The following PHF20L1 variants were observed in gnomAD, a reference collection of about 807,000 sequenced individuals.
The protein encoded by PHF20L1 is PHD finger protein 20 like 1, also known as PHD finger protein 20-like protein 1.
Under a neutral mutation model 125.5 loss-of-function variants are expected in PHF20L1, and 44 were observed. That is an observed-to-expected ratio of 0.35 (90% CI 0.28 to 0.45). PHF20L1 has a LOEUF of 0.45. Ranked by LOEUF, PHF20L1 falls within the 20% of genes least tolerant of loss-of-function variation. The pLI, the probability that PHF20L1 is intolerant of heterozygous loss-of-function variation, is 1.00. For synonymous variants in PHF20L1, 380 were observed against 403.1 expected (o/e 0.94, Z 0.69); for missense variants, 1,012 against 1,217.2 (o/e 0.83, Z 2.51).
chr8:132,836,740 T>C lies in PHF20L1; in HGVS notation c.2091+19T>C. On this transcript the variant is annotated intron_variant, in intron 16 of 20. Coordinates refer to ENST00000395386, the MANE Select transcript of PHF20L1 (RefSeq NM_016018.5). The stretch of plus-strand genomic sequence containing the variant: ...GATCCAGGTAATTGGTTAACCTCTC[T>C]TCCCTATAATGAGTTAGTTGTTTCA... The C allele has an allele frequency of 1.3e-6, 2 of 1,571,596 alleles. No homozygotes were observed. Among genetic ancestry groups the C allele is most frequent in the Non-Finnish European group, 1.7e-6 (2 of 1,144,066 alleles).
chr8:132,828,498 T>G (rs527966233), intron 14 of PHF20L1, among the ~76,000 whole-genome samples: 2 of 152,088 alleles, frequency 1.3e-5, no homozygotes, highest in Non-Finnish European at 2.9e-5. Flanking sequence ...TGTATTCTTC[T>G]CTTCAACAAG....
intron 4 of PHF20L1, among the ~76,000 whole-genome samples, chr8:132,797,129 T>G (rs1832485155): frequency 6.6e-6 from 1 of 151,982 alleles, no homozygotes; most frequent in Admixed American, 6.6e-5. Context: ...GTAGTTTCAG[T>G]GAACACATAG....
At chr8:132,775,713 T>G (rs1829610961) in intron 1 of PHF20L1, 68 bp downstream of exon 1, 5 of 300,894 alleles carry the variant, frequency 1.7e-5, no homozygotes, top group African/African-American at 4.4e-5. Flanking sequence ...GACGCCCCCA[T>G]TCTGGTGTCT....
chr8:132,796,235 G>T (rs1385139386), intron 4 of PHF20L1, among the ~76,000 whole-genome samples: 1 of 152,076 alleles, frequency 6.6e-6, no homozygotes, highest in African/African-American at 2.4e-5. Flanking sequence ...ACTGCAGGTT[G>T]CTTAGAATGA....
chr8:132,827,457 G>A (rs958069935), intron 14 of PHF20L1, among the ~76,000 whole-genome samples: 1 of 151,980 alleles, frequency 6.6e-6, no homozygotes, highest in African/African-American at 2.4e-5. Context: ...GTTATCTTAC[G>A]GCACAGCAAC....
chr8:132,800,639 C>T (rs1256731413), intron 6 of PHF20L1, among the ~76,000 whole-genome samples: 1 of 151,704 alleles, frequency 6.6e-6, no homozygotes, highest in Non-Finnish European at 1.5e-5. Flanking sequence ...TCTTCCTGAA[C>T]CTGTCTAAAA....
intron 4 of PHF20L1, among the ~76,000 whole-genome samples, chr8:132,795,871 A>G (rs1282238774): frequency 6.6e-6 from 1 of 152,112 alleles, no homozygotes; most frequent in Non-Finnish European, 1.5e-5. Context: ...TAAAAGTTAT[A>G]TGAATGTGGT....
intron 15 of PHF20L1, among the ~76,000 whole-genome samples, chr8:132,833,244 A>C (rs947683377): frequency 6.6e-6 from 1 of 152,074 alleles, no homozygotes; most frequent in Non-Finnish European, 1.5e-5. Context: ...ACTGACCTCG[A>C]TGGTGGATAC....
intron 6 of PHF20L1, chr8:132,799,448 TC>T (rs1447569048): frequency 2.5e-5 from 6 of 242,982 alleles, no homozygotes; most frequent in Non-Finnish European, 3.9e-5. Context: ...GGAAGGAGAA[TC>T]TTGGGTGGAG....
At chr8:132,788,730 T>G (rs551936660) in intron 2 of PHF20L1, 1 of 152,258 alleles carries the variant, frequency 6.6e-6, no homozygotes, top group South Asian at 2.1e-4. Context: ...GCAAAGAAAT[T>G]TTTAAAATTA....
intron 2 of PHF20L1, among the ~76,000 whole-genome samples, chr8:132,793,566 A>G (rs1173826617): frequency 6.6e-6 from 1 of 152,194 alleles, no homozygotes; most frequent in African/African-American, 2.4e-5. Flanking sequence ...TCTGAATGTT[A>G]TTTAATCATA....
rs1838025461 is a variant in PHF20L1 at position 132,842,444 on chromosome 8, A to G, written c.2388-71A>G. Reference sequence around the variant, plus strand: ...TCCTCCTAACCTAATTCTGAAATAGATCATTGTATTCAGCTTGTTAATAGA... The same window carrying G: ...TCCTCCTAACCTAATTCTGAAATAGGTCATTGTATTCAGCTTGTTAATAGA... On this transcript the variant is annotated intron_variant, in intron 18 of 20. Coordinates refer to ENST00000395386, the MANE Select transcript of PHF20L1 (RefSeq NM_016018.5). 3 of 1,379,818 alleles carry G rather than the reference A, an allele frequency of 2.2e-6. No individual in the cohort carries two copies. In the East Asian group the frequency reaches 7.0e-5, roughly 32 times the overall value. 85.5% of individuals were successfully genotyped at this position (1,379,818 alleles called of 1,614,324 possible).
At chr8:132,816,019 T>G (rs1349549779) in intron 10 of PHF20L1, 1 of 151,892 alleles carries the variant, frequency 6.6e-6, no homozygotes, top group African/African-American at 2.4e-5. Flanking sequence ...TCTTTTTCGT[T>G]TTGATTGTAA....
In PHF20L1 at chr8:132,846,301, A is replaced by G. The variant is rs1297967983; in HGVS notation, c.*378A>G. On this transcript the variant is annotated 3_prime_UTR_variant, in exon 21 of 21. Transcript: ENST00000395386. ...GTTTTTAATAGAAAGATCTATGTTT[A>G]TAAACCAGCACTTGGCCAAAAACAA... 6.4e-6 allele frequency: 1 copy of G among 156,226 alleles called. No individual in the cohort carries two copies. Among genetic ancestry groups the G allele is most frequent in the Non-Finnish European group, 1.4e-5 (1 of 70,472 alleles). The allele number at this position is 156,226 out of a possible 1,614,324, so 9.7% of individuals were successfully genotyped here. A position where few individuals can be genotyped will look rare whatever the true frequency, so the allele number is the denominator to read the frequency against.
chr8:132,814,948 T>C, intron 10 of PHF20L1, 59 bp downstream of exon 10: 1 of 1,266,996 alleles, frequency 7.9e-7, no homozygotes, highest in Non-Finnish European at 1.1e-6. Context: ...AAAAACAGTT[T>C]GATTGTAGTT....
chr8:132,776,148 G>T (rs1829723160), intron 1 of PHF20L1, among the ~76,000 whole-genome samples: 3 of 152,148 alleles, frequency 2.0e-5, no homozygotes, highest in Admixed American at 2.0e-4. Context: ...CCAGTAGACT[G>T]TCTTACTTTA....
At chr8:132,799,416 G>T (rs1023245947) in intron 6 of PHF20L1, 1 of 297,082 alleles carries the variant, frequency 3.4e-6, no homozygotes, top group Middle Eastern at 9.4e-4. Context: ...ACTGCTCAAA[G>T]CAAGAATGGA....
chr8:132,827,510 T>G (rs1836310487), intron 14 of PHF20L1, among the ~76,000 whole-genome samples: 1 of 151,996 alleles, frequency 6.6e-6, no homozygotes. Flanking sequence ...ACACAGAATC[T>G]TACATACAAA....
rs565091494 is a variant in PHF20L1, at chr8:132,789,118, CAT to C, written c.84-5289_84-5288del. 374 of 152,162 alleles carry C rather than the reference CAT, an allele frequency of 2.5e-3. 3 individuals carry two copies. The highest frequency in any genetic ancestry group is 8.7e-3 in the African/African-American group (362 of 41,544). The allele number at this position is 152,162 out of a possible 1,614,324, so 9.4% of individuals were successfully genotyped here. On this transcript the variant is annotated intron_variant, in intron 2 of 20. Transcript: ENST00000395386. ...ATGTAAAAATAAATTTTAAGCAAAA[CAT>C]ATTTATGTTTTGATAACACTTAAGA...
Sources: allele counts gnomAD v4.1 joint callset (sites outside exome capture counted in the v4.1 genomes callset), GRCh38; gene constraint gnomAD v4.1.1; transcripts MANE v1.5; gene names NCBI Gene and HGNC (gene_info 2026-07-23, HGNC 2026-07-21).